UNC13B: variants seen among roughly 807,000 people sequenced by gnomAD.
UNC13B encodes unc-13 homolog B.
A neutral mutation model predicts 211.0 loss-of-function variants in UNC13B; 144 were observed. That is an observed-to-expected ratio of 0.68 (90% CI 0.60 to 0.78). The LOEUF is 0.78. Among genes scored for constraint, UNC13B ranks in the 30% least tolerant of loss-of-function variants. The probability of loss-of-function intolerance (pLI) is 0.00; values close to 1 mark genes in which losing one functional copy is unlikely to be tolerated. For synonymous variants in UNC13B, 709 were observed against 725.8 expected (o/e 0.98, Z 0.37); for missense variants, 1,777 against 2,002.0 (o/e 0.89, Z 2.14).
chr9:35,319,292 A>G (rs1007509883), intron 11 of UNC13B, among the ~76,000 whole-genome samples: 42 of 150,410 alleles, frequency 2.8e-4, no homozygotes, highest in African/African-American at 9.8e-4. Context: ...AATCCCAGCT[A>G]CTTGGGAGGC....
chr9:35,245,015 CCT>C (rs1238222411), intron 6 of UNC13B, among the ~76,000 whole-genome samples: 1 of 152,136 alleles, frequency 6.6e-6, no homozygotes, highest in African/African-American at 2.4e-5. Context: ...AAGCTCCAGT[CCT>C]CTTTCTCCAC....
chr9:35,345,273 T>C, intron 11 of UNC13B, among the ~76,000 whole-genome samples: 1 of 152,142 alleles, frequency 6.6e-6, no homozygotes. Context: ...GGTTTTGTAG[T>C]GAGGGTGAAC....
intron 25 of UNC13B, among the ~76,000 whole-genome samples, chr9:35,390,225 G>T (rs1835445806): frequency 6.6e-6 from 1 of 152,188 alleles, no homozygotes; most frequent in African/African-American, 2.4e-5. Context: ...ACTGCCATAG[G>T]AGCCCCAGGG....
intron 1 of UNC13B, among the ~76,000 whole-genome samples, chr9:35,196,513 C>T (rs1286442025): frequency 6.6e-6 from 1 of 152,170 alleles, no homozygotes; most frequent in Non-Finnish European, 1.5e-5. Flanking sequence ...TATATATTCT[C>T]CTATTTCTGC....
chr9:35,275,289 A>G (rs1222541533), intron 7 of UNC13B, among the ~76,000 whole-genome samples: 1 of 152,184 alleles, frequency 6.6e-6, no homozygotes, highest in Non-Finnish European at 1.5e-5. Context: ...ATGGGATATA[A>G]TTTGCCATTC....
intron 11 of UNC13B, among the ~76,000 whole-genome samples, chr9:35,314,413 A>T (rs2131878065): frequency 6.6e-6 from 1 of 152,318 alleles, no homozygotes; most frequent in Admixed American, 6.5e-5. Context: ...GTCCCAAAGT[A>T]TCAGCACACT....
At chr9:35,401,076 A>G (rs1836269015) in intron 37 of UNC13B, among the ~76,000 whole-genome samples, 1 of 152,124 alleles carries the variant, frequency 6.6e-6, no homozygotes, top group South Asian at 2.1e-4. Context: ...AACAAAACAC[A>G]TCTGCATAGA....
chr9:35,198,216 G>A (rs1371653520), intron 1 of UNC13B, among the ~76,000 whole-genome samples: 3 of 152,214 alleles, frequency 2.0e-5, no homozygotes, highest in Non-Finnish European at 4.4e-5. Flanking sequence ...TGGATCATGG[G>A]AGCGGAGTTC....
intron 1 of UNC13B, among the ~76,000 whole-genome samples, chr9:35,208,066 CTCTA>C (rs1823762576): frequency 6.6e-6 from 1 of 152,090 alleles, no homozygotes; most frequent in South Asian, 2.1e-4. Flanking sequence ...TCTTGGATAT[CTCTA>C]TCAGCCAGTA....
chr9:35,390,728 C>A lies in UNC13B; in HGVS notation c.11308+14C>A. The A allele has an allele frequency of 6.2e-7, 1 of 1,609,200 alleles. No individual in the cohort carries two copies. The highest frequency in any genetic ancestry group is 1.1e-5 in the South Asian group (1 of 89,940). On this transcript the variant is annotated intron_variant, in intron 26 of 39. Coordinates refer to ENST00000635942, the MANE Select transcript of UNC13B (RefSeq NM_001371189.2). ...ATGCATTGGAGGGTAAGGATCTGTT[C>A]AAATCAGTGGGCTGCCAGGCTCCTA...
At chr9:35,268,490 G>C (rs1827698916) in intron 7 of UNC13B, among the ~76,000 whole-genome samples, 1 of 152,050 alleles carries the variant, frequency 6.6e-6, no homozygotes, top group Admixed American at 6.6e-5. Context: ...GTGGTGGCGG[G>C]CACCTGTAAT....
chr9:35,255,202 G>A (rs1348373094), intron 6 of UNC13B, among the ~76,000 whole-genome samples: 1 of 148,278 alleles, frequency 6.7e-6, no homozygotes, highest in African/African-American at 2.5e-5. Flanking sequence ...TGGGATTACA[G>A]GCGTGAGCCA....
intron 11 of UNC13B, among the ~76,000 whole-genome samples, chr9:35,357,229 C>A (rs545682160): frequency 6.6e-6 from 1 of 152,144 alleles, no homozygotes; most frequent in Non-Finnish European, 1.5e-5. Flanking sequence ...TTCTCTACAT[C>A]CTTGGCAACA....
intron 6 of UNC13B, among the ~76,000 whole-genome samples, chr9:35,247,731 T>A (rs759668251): frequency 2.4e-4 from 36 of 152,238 alleles, no homozygotes; most frequent in Non-Finnish European, 4.6e-4. Context: ...ATAAGCTTTT[T>A]GATGTGCTGC....
rs1835900546 is a variant in UNC13B at position 35,396,672 on chromosome 9, C to T, written c.11435+70C>T. On this transcript the variant is annotated intron_variant, in intron 27 of 39. Coordinates refer to ENST00000635942, the MANE Select transcript of UNC13B (RefSeq NM_001371189.2). ...GTGGGCAGGGCTAGTATCCCCAATT[C>T]ATTTCAGCAAGCCAGTCTCGGGGAC... The T allele has an allele frequency of 5.6e-6, 9 of 1,604,176 alleles. No homozygotes were observed. The South Asian group carries it at 8.9e-5, about 16-fold the overall frequency.
intron 11 of UNC13B, among the ~76,000 whole-genome samples, chr9:35,364,138 T>A (rs1282525680): frequency 1.5e-5 from 2 of 130,640 alleles, no homozygotes; most frequent in African/African-American, 9.3e-5. Flanking sequence ...CTCACGTGGC[T>A]TCTGAGGAAG....
chr9:35,351,418 A>G (rs1587677922), intron 11 of UNC13B: 2 of 1,230,520 alleles, frequency 1.6e-6, no homozygotes, highest in East Asian at 6.3e-5. Context: ...GCTAGAAACA[A>G]ACTGAAAAGA....
chr9:35,239,680 C>T (rs1021890011), intron 5 of UNC13B, among the ~76,000 whole-genome samples: 1 of 152,162 alleles, frequency 6.6e-6, no homozygotes, highest in Non-Finnish European at 1.5e-5. Flanking sequence ...TTATCTACAA[C>T]CGTAAAAGAC....
At position 35,236,571 on chromosome 9, in the gene UNC13B, T is replaced by C. The variant is rs868236398; in HGVS notation, c.255T>C (p.Ile85=). 1 of 1,614,048 alleles carries C rather than the reference T, an allele frequency of 6.2e-7. No individual in the cohort carries two copies. Among genetic ancestry groups the C allele is most frequent in the Middle Eastern group, 1.7e-4 (1 of 6,058 alleles). ...VGTVWIALKT[I]RQSDEEGPGE... ...CTGTGTGGATTGCGCTGAAGACTAT[T>C]CGTCAGTCGGATGAGGTCAGTCATT... The change falls in exon 4 of 40, where the codon ATT becomes ATC. Residue 85 remains isoleucine (I), a synonymous_variant. Coordinates refer to ENST00000635942, the MANE Select transcript of UNC13B (RefSeq NM_001371189.2).
Sources: gnomAD v4.1 joint callset for allele counts (sites outside exome capture counted in the v4.1 genomes callset) on GRCh38, gnomAD v4.1.1 for gene constraint, MANE v1.5 for transcripts, NCBI Gene and HGNC (gene_info 2026-07-23, HGNC 2026-07-21) for gene names.